Variants in NOD1 observed in about 807,000 individuals in gnomAD.
The protein encoded by NOD1 is nucleotide binding oligomerization domain containing 1.
In NOD1, 70 loss-of-function variants were observed where a neutral mutation model predicts 81.2. The ratio of observed to expected loss-of-function variants is 0.86; its 90% CI spans 0.71 to 1.05. The LOEUF (loss-of-function observed/expected upper bound fraction) is 1.05, where lower values mean the gene tolerates loss of function less well. Among genes scored for constraint, NOD1 ranks in the 50% least tolerant of loss-of-function variants. The pLI, the probability that NOD1 is intolerant of heterozygous loss-of-function variation, is 0.00. For missense variants in NOD1, 1,233 were observed against 1,228.0 expected, an observed-to-expected ratio of 1.00 and a Z score of -0.06; for synonymous variants, 508 against 526.9, an observed-to-expected ratio of 0.96 and a Z score of 0.49.
At chr7:30,428,870 CT>C (rs1006861455) in intron 13 of NOD1, among the ~76,000 whole-genome samples, 5 of 152,082 alleles carry the variant, frequency 3.3e-5, no homozygotes, top group African/African-American at 4.8e-5. Context: ...GTAAAGCAAA[CT>C]TTTTTTCTTC....
chr7:30,439,748 C>A, intron 9 of NOD1, among the ~76,000 whole-genome samples: 4 of 69,330 alleles, frequency 5.8e-5, no homozygotes, highest in Non-Finnish European at 8.1e-5. Context: ...CTGGGTGGAG[C>A]CCACCACAGC....
chr7:30,451,392 G>C lies in NOD1; in HGVS notation c.2025C>G (p.Ile675Met). 1 of 1,614,090 alleles carries C rather than the reference G, an allele frequency of 6.2e-7. No homozygotes were observed. Among genetic ancestry groups the C allele is most frequent in the Non-Finnish European group, 8.5e-7 (1 of 1,180,050 alleles). The change falls in exon 6 of 14, where the codon ATC (isoleucine) becomes ATG (methionine). Residue 675 changes from isoleucine to methionine, a missense_variant. By Grantham distance (10) the Ile-to-Met change is conservative. Transcript: ENST00000222823. The surrounding 1 kb of genome is among the most constrained non-coding windows in gnomAD (Gnocchi z 4.2). ...AGGTCAGCTTGAGGTAGTTGGCGCA[G>C]ATGCCCCTGGCCGCCAGCTGCCCCA... ...QKVGQLAARG[I>M]CANYLKLTYC...
Position 30,452,254 on chromosome 7 carries a change from C to A in NOD1, c.1163G>T (p.Cys388Phe). 6.2e-7 allele frequency: 1 copy of A among 1,613,668 alleles called. No individual in the cohort carries two copies. The highest frequency in any genetic ancestry group is 8.5e-7 in the Non-Finnish European group (1 of 1,179,960). Residue 388 changes from cysteine (C) to phenylalanine (F), a missense_variant, in exon 6 of 14, where the codon TGC becomes TTC. Cys to Phe is a radical substitution (Grantham distance 205). Coordinates refer to ENST00000222823, the MANE Select transcript of NOD1 (RefSeq NM_006092.4). ...LEANPNLCSL[C>F]SVPLFCWIIF... ...GATCCAGCAGAAGAGGGGCACAGAGCACAGGCTGCAGAGGTTGGGGTTGGC... is the reference window on the plus strand; with the variant it reads ...GATCCAGCAGAAGAGGGGCACAGAGAACAGGCTGCAGAGGTTGGGGTTGGC...
At chr7:30,426,741 A>ACTGT (rs1414034294) in intron 13 of NOD1, among the ~76,000 whole-genome samples, 1 of 151,812 alleles carries the variant, frequency 6.6e-6, no homozygotes, top group Non-Finnish European at 1.5e-5. Context: ...CCTCTTCCAC[A>ACTGT]CTGTCTGAAC....
chr7:30,457,363 A>AT (rs1261963861), intron 3 of NOD1, among the ~76,000 whole-genome samples: 1 of 152,122 alleles, frequency 6.6e-6, no homozygotes, highest in African/African-American at 2.4e-5. Flanking sequence ...AGGCAGGAGG[A>AT]TCACATGAGC....
At chr7:30,462,846 G>A (rs1787265151) in intron 1 of NOD1, among the ~76,000 whole-genome samples, 1 of 151,946 alleles carries the variant, frequency 6.6e-6, no homozygotes, top group African/African-American at 2.4e-5. Flanking sequence ...CTACTAGGGA[G>A]GCTGAGGCAG....
At chr7:30,448,936 A>G (rs916504606) in intron 6 of NOD1, among the ~76,000 whole-genome samples, 1 of 152,198 alleles carries the variant, frequency 6.6e-6, no homozygotes, top group Non-Finnish European at 1.5e-5. Context: ...TGTCACTGGA[A>G]AAGGCTGTGA....
intron 9 of NOD1, 21 bp downstream of exon 9, chr7:30,446,120 C>T: frequency 6.3e-7 from 1 of 1,586,980 alleles, no homozygotes. Context: ...GTACCACATA[C>T]ATCCATCCCC....
chr7:30,435,622 C>A (rs909448335), intron 11 of NOD1, among the ~76,000 whole-genome samples: 1 of 152,112 alleles, frequency 6.6e-6, no homozygotes, highest in African/African-American at 2.4e-5. Context: ...AGATTCCAGG[C>A]CATGTGCAGC....
chr7:30,425,810 A>G (rs1467008296), intron 13 of NOD1, 100 bp from the exon 14 acceptor site: 1 of 815,596 alleles, frequency 1.2e-6, no homozygotes, highest in African/African-American at 1.7e-5. Context: ...CGTGTATCAC[A>G]CAATACACAT....
chr7:30,434,642 G>A (rs986144609), intron 11 of NOD1, among the ~76,000 whole-genome samples: 2 of 152,162 alleles, frequency 1.3e-5, no homozygotes, highest in Non-Finnish European at 2.9e-5. Context: ...ACAAAGGGAG[G>A]TACTTTCACT....
In NOD1 at chr7:30,452,583, C is replaced by T; in HGVS notation, c.834G>A (p.Val278=). ...CCAGGCCATCGAAGGTGAAGAGGGC[C>T]ACGTGGGGGAAGCGCAGCAGGAAGG... ...VFAFLLRFPH[V]ALFTFDGLDE... The change falls in exon 6 of 14, where the codon GTG becomes GTA. Residue 278 remains valine (V), a synonymous_variant. Coordinates refer to ENST00000222823, the MANE Select transcript of NOD1 (RefSeq NM_006092.4). 2 of 1,613,536 alleles carry T rather than the reference C, an allele frequency of 1.2e-6. No individual in the cohort carries two copies. The highest frequency in any genetic ancestry group is 1.7e-6 in the Non-Finnish European group (2 of 1,180,000).
intron 12 of NOD1, among the ~76,000 whole-genome samples, chr7:30,432,056 G>T (rs1213793367): frequency 6.6e-6 from 1 of 152,114 alleles, no homozygotes; most frequent in African/African-American, 2.4e-5. Context: ...AGAGAGCTGA[G>T]ATCATGCCAC....
At chr7:30,446,348 T>A in intron 8 of NOD1, 124 bp from the exon 9 acceptor site, 1 of 764,208 alleles carries the variant, frequency 1.3e-6, no homozygotes, top group Non-Finnish European at 2.3e-6. Flanking sequence ...TCTTCTGGGA[T>A]CCACAAGAGC....
At chr7:30,461,131 C>A (rs1787016617) in intron 1 of NOD1, among the ~76,000 whole-genome samples, 1 of 152,186 alleles carries the variant, frequency 6.6e-6, no homozygotes. Flanking sequence ...TATTTTAATT[C>A]TAATACACTC....
At position 30,467,176 on chromosome 7, in the gene NOD1, A is replaced by T. The variant is rs1465734355; in HGVS notation, c.-351-7135T>A. On this transcript the variant is annotated intron_variant, in intron 1 of 13. Transcript: ENST00000222823. This position sits in a 1 kb window ranked among gnomAD's most constrained non-coding sequence, Gnocchi z 4.5. ...AATAACATTTATATGGCTTGCCCAC[A>T]TCCCCTGCCCTCCAAATACACAAAG... Among the ~76,000 whole-genome samples, 1 of 152,192 alleles carries T rather than the reference A, an allele frequency of 6.6e-6. No homozygotes were observed. Among genetic ancestry groups the T allele is most frequent in the Admixed American group, 6.5e-5 (1 of 15,274 alleles).
chr7:30,438,229 C>T (rs181333255), intron 9 of NOD1, among the ~76,000 whole-genome samples: 10 of 152,306 alleles, frequency 6.6e-5, no homozygotes, highest in South Asian at 4.1e-4. Context: ...TGGACAGGTG[C>T]GGCGATAAAG....
chr7:30,437,504 TTC>T, intron 10 of NOD1, 67 bp downstream of exon 10: 2 of 1,020,458 alleles, frequency 2.0e-6, no homozygotes, highest in East Asian at 5.9e-5. Context: ...CGAATCACCC[TTC>T]CCCAGCAAAC....
chr7:30,453,175 C>A, intron 5 of NOD1, 135 bp from the exon 6 acceptor site: 1 of 900,138 alleles, frequency 1.1e-6, no homozygotes, highest in South Asian at 1.8e-5. Context: ...GCCAGCGCAG[C>A]CACTCCTCAG....
Sources: gnomAD v4.1 joint callset for allele counts (sites outside exome capture counted in the v4.1 genomes callset) on GRCh38, gnomAD v4.1.1 for gene constraint, Gnocchi (gnomAD v3.1) non-coding constraint, MANE v1.5 for transcripts, NCBI Gene and HGNC (gene_info 2026-07-23, HGNC 2026-07-21) for gene names.